RAB38: variants seen among roughly 807,000 people sequenced by gnomAD.
The protein encoded by RAB38 is RAB38, member RAS oncogene family.
In RAB38, 15 loss-of-function variants were observed where a neutral mutation model predicts 18.4. The ratio of observed to expected loss-of-function variants is 0.82; its 90% CI spans 0.55 to 1.26. RAB38 has a LOEUF of 1.26. Among genes scored for constraint, RAB38 ranks in the 50% most tolerant of loss-of-function variants. RAB38 has a pLI of 0.00. For missense variants in RAB38, 294 were observed against 267.4 expected (o/e 1.10, Z -0.69); for synonymous variants, 101 against 104.4 (o/e 0.97, Z 0.20).
the RAB38 span, among the ~76,000 whole-genome samples, chr11:88,030,430 G>C: frequency 1.3e-5 from 2 of 152,070 alleles, no homozygotes; most frequent in Non-Finnish European, 2.9e-5. Context: ...AAAAATTATT[G>C]AATCCAGAAG....
chr11:87,832,679 T>G, the RAB38 span, among the ~76,000 whole-genome samples: 1 of 152,174 alleles, frequency 6.6e-6, no homozygotes, highest in Non-Finnish European at 1.5e-5. Flanking sequence ...CTGACTTCTC[T>G]TTGTTCCCCA....
the RAB38 span, among the ~76,000 whole-genome samples, chr11:88,085,765 G>A: frequency 7.8e-3 from 1,183 of 152,046 alleles, 10 homozygotes; most frequent in African/African-American, 0.027. Context: ...CTGCAAAGTT[G>A]AGTTAATTAA....
chr11:87,932,491 A>G, the RAB38 span, among the ~76,000 whole-genome samples: 1 of 151,994 alleles, frequency 6.6e-6, no homozygotes, highest in Non-Finnish European at 1.5e-5. Flanking sequence ...AAGCATAACC[A>G]AGCTGTCACA....
the RAB38 span, among the ~76,000 whole-genome samples, chr11:87,861,894 C>A: frequency 6.6e-6 from 1 of 151,702 alleles, no homozygotes; most frequent in Admixed American, 6.6e-5. Flanking sequence ...ATTCCCAGGA[C>A]CCTCATCATA....
the RAB38 span, among the ~76,000 whole-genome samples, chr11:87,971,638 A>G: frequency 6.6e-6 from 1 of 152,136 alleles, no homozygotes; most frequent in East Asian, 1.9e-4. Flanking sequence ...CTAAAGTTCT[A>G]TAGATACAGA....
chr11:87,959,473 C>T, the RAB38 span, among the ~76,000 whole-genome samples: 6 of 152,180 alleles, frequency 3.9e-5, no homozygotes, highest in East Asian at 1.9e-4. Context: ...TTCCATCTCA[C>T]GTTAGCATTT....
the RAB38 span, among the ~76,000 whole-genome samples, chr11:87,955,705 C>T: frequency 1.0e-3 from 153 of 152,200 alleles, no homozygotes; most frequent in African/African-American, 3.3e-3. Flanking sequence ...ATCTGTCAAT[C>T]ATCCATTGAG....
intron 2 of RAB38, among the ~76,000 whole-genome samples, chr11:88,120,368 A>G (rs1163969004): frequency 6.6e-6 from 1 of 152,006 alleles, no homozygotes; most frequent in Non-Finnish European, 1.5e-5. Flanking sequence ...TATGGCCTAC[A>G]TTTTCTTAGT....
chr11:88,152,550 C>G (rs1943076018), intron 1 of RAB38, among the ~76,000 whole-genome samples: 1 of 152,146 alleles, frequency 6.6e-6, no homozygotes, highest in Admixed American at 6.5e-5. Context: ...AGCCAGGCCA[C>G]TTGGAAAGTT....
chr11:88,105,154 A>C, the RAB38 span, among the ~76,000 whole-genome samples: 2 of 152,162 alleles, frequency 1.3e-5, no homozygotes, highest in Admixed American at 1.3e-4. Flanking sequence ...ATATAAATTA[A>C]TATACACCTT....
At chr11:87,857,259 A>G in the RAB38 span, among the ~76,000 whole-genome samples, 1 of 152,188 alleles carries the variant, frequency 6.6e-6, no homozygotes, top group South Asian at 2.1e-4. Context: ...AATCCAGTCT[A>G]TCACTGATGG....
chr11:88,022,611 C>CCAAAAAAAAAAAAAAAAAA, the RAB38 span, among the ~76,000 whole-genome samples: 1 of 52,092 alleles, frequency 1.9e-5, no homozygotes, highest in African/African-American at 7.6e-5. Context: ...AAAGACCCCA[C>CCAAAAAAAAAAAAAAAAAA]AAAAAAAAAA....
chr11:88,042,032 G>T, the RAB38 span, among the ~76,000 whole-genome samples: 3 of 152,034 alleles, frequency 2.0e-5, no homozygotes. Flanking sequence ...GGAAATTGGG[G>T]TTTAGGGAGG....
At chr11:87,945,903 C>G in the RAB38 span, among the ~76,000 whole-genome samples, 1 of 152,220 alleles carries the variant, frequency 6.6e-6, no homozygotes. Context: ...GTGGCAGGCA[C>G]TATGACAGGC....
chr11:87,807,949 C>A, the RAB38 span, among the ~76,000 whole-genome samples: 1 of 152,198 alleles, frequency 6.6e-6, no homozygotes, highest in Admixed American at 6.6e-5. Flanking sequence ...TCCTATCTAT[C>A]TATCTCCCTC....
the RAB38 span, among the ~76,000 whole-genome samples, chr11:87,958,451 AC>A: frequency 6.6e-6 from 1 of 152,066 alleles, no homozygotes; most frequent in South Asian, 2.1e-4. Flanking sequence ...CTTTCTTCAT[AC>A]CTATCTTATT....
chr11:88,127,655 G>T (rs925052327), intron 2 of RAB38, among the ~76,000 whole-genome samples: 1 of 152,088 alleles, frequency 6.6e-6, no homozygotes, highest in African/African-American at 2.4e-5. Context: ...TGAAATACAT[G>T]TGTTTTCTAA....
chr11:88,045,905 A>C, the RAB38 span, among the ~76,000 whole-genome samples: 1 of 151,608 alleles, frequency 6.6e-6, no homozygotes, highest in African/African-American at 2.4e-5. Context: ...TCTTTTAAGC[A>C]CTCCTTTTAG....
the RAB38 span, among the ~76,000 whole-genome samples, chr11:87,928,089 C>A: frequency 6.6e-6 from 1 of 151,356 alleles, no homozygotes; most frequent in East Asian, 1.9e-4. Flanking sequence ...AATAAGAAAA[C>A]AGAAAAGACA....
Sources: gnomAD v4.1 joint callset for allele counts (sites outside exome capture counted in the v4.1 genomes callset) on GRCh38, gnomAD v4.1.1 for gene constraint, MANE v1.5 for transcripts, NCBI Gene and HGNC (gene_info 2026-07-23, HGNC 2026-07-21) for gene names.